The following C16orf74 variants were observed in gnomAD, a reference collection of about 807,000 sequenced individuals.
C16orf74 encodes the protein uncharacterized protein C16orf74.
A neutral mutation model predicts 6.5 loss-of-function variants in C16orf74; 10 were observed. The observed-to-expected ratio is 1.54, with a 90% CI of 0.95 to 2.61. The LOEUF (loss-of-function observed/expected upper bound fraction) is 2.61, where lower values mean the gene tolerates loss of function less well. Among genes scored for constraint, C16orf74 ranks in the 30% most tolerant of loss-of-function variants. C16orf74 has a pLI of 0.00. For missense variants in C16orf74, 141 were observed against 105.9 expected (o/e 1.33, Z -1.45); for synonymous variants, 60 against 42.5 (o/e 1.41, Z -1.60).
chr16:85,727,620 C>T (rs922504042), intron 2 of C16orf74, among the ~76,000 whole-genome samples: 3 of 150,190 alleles, frequency 2.0e-5, no homozygotes, highest in African/African-American at 4.9e-5. Flanking sequence ...GACCAACCTG[C>T]GCAACATGGT....
intron 1 of C16orf74, among the ~76,000 whole-genome samples, chr16:85,740,313 G>C (rs2054290557): frequency 6.6e-6 from 1 of 151,120 alleles, no homozygotes; most frequent in South Asian, 2.1e-4. Flanking sequence ...CTAGCACTTT[G>C]GGAGGCTGAG....
chr16:85,745,180 C>T (rs1427478834), intron 1 of C16orf74, among the ~76,000 whole-genome samples: 3 of 146,550 alleles, frequency 2.0e-5, no homozygotes, highest in Non-Finnish European at 4.4e-5. Context: ...CTCCCTGTCG[C>T]CAAATGGTCA....
In C16orf74 at chr16:85,739,795, T is replaced by A. The variant is rs374181384; in HGVS notation, c.-18-4560A>T. Reference sequence around the variant, plus strand: ...ACCTGGGAGACAGAGCAAGACCCTGTCTCAAAAAAAGAAAAGAAGTAATAA... The same window carrying A: ...ACCTGGGAGACAGAGCAAGACCCTGACTCAAAAAAAGAAAAGAAGTAATAA... On this transcript the variant is annotated intron_variant, in intron 1 of 3. Transcript: ENST00000284245. Among the ~76,000 whole-genome samples, 11 of 152,034 alleles carry A rather than the reference T, an allele frequency of 7.2e-5. No individual in the cohort carries two copies. In the South Asian group the frequency reaches 1.9e-3, roughly 26 times the overall value.
chr16:85,749,923 C>T (rs2054417920), intron 1 of C16orf74, among the ~76,000 whole-genome samples: 1 of 152,220 alleles, frequency 6.6e-6, no homozygotes, highest in Non-Finnish European at 1.5e-5. Flanking sequence ...TCCTCCCATC[C>T]ACAGGACCGG....
At chr16:85,747,155 C>T (rs949695776) in intron 1 of C16orf74, among the ~76,000 whole-genome samples, 10 of 152,148 alleles carry the variant, frequency 6.6e-5, no homozygotes, top group South Asian at 4.1e-4. Flanking sequence ...TCTGGGCCAC[C>T]GTGAAATAAT....
At chr16:85,743,465 G>C (rs2054332730) in intron 1 of C16orf74, 1 of 152,156 alleles carries the variant, frequency 6.6e-6, no homozygotes, top group South Asian at 2.1e-4. Context: ...CAGCTGTCCA[G>C]CGACTCCCAG....
intron 1 of C16orf74, among the ~76,000 whole-genome samples, chr16:85,739,123 C>G (rs1240552004): frequency 6.6e-6 from 1 of 151,156 alleles, no homozygotes; most frequent in African/African-American, 2.4e-5. Flanking sequence ...TCTCCTGCCG[C>G]CAGCCTTGCC....
intron 1 of C16orf74, among the ~76,000 whole-genome samples, chr16:85,749,034 C>A (rs1341527182): frequency 6.6e-6 from 1 of 151,358 alleles, no homozygotes; most frequent in Non-Finnish European, 1.5e-5. Context: ...TCGTGCCTCA[C>A]CCTCCCAAAG....
intron 2 of C16orf74, among the ~76,000 whole-genome samples, chr16:85,714,640 G>A (rs557655020): frequency 1.4e-4 from 21 of 151,032 alleles, no homozygotes; most frequent in African/African-American, 4.1e-4. Flanking sequence ...GGCTGGTCTC[G>A]AACTCCTGAC....
intron 2 of C16orf74, among the ~76,000 whole-genome samples, chr16:85,712,623 C>T (rs1340685413): frequency 6.6e-6 from 1 of 152,168 alleles, no homozygotes; most frequent in Admixed American, 6.5e-5. Context: ...ATTCTTGGTT[C>T]ACCTGCAGCT....
chr16:85,716,370 G>C (rs1238274778), intron 2 of C16orf74, among the ~76,000 whole-genome samples: 1 of 143,380 alleles, frequency 7.0e-6, no homozygotes, highest in Admixed American at 6.9e-5. Context: ...GGAAGGGAGG[G>C]AAGGAGGAGA....
intron 2 of C16orf74, among the ~76,000 whole-genome samples, chr16:85,731,389 C>G (rs998473540): frequency 1.3e-5 from 2 of 152,226 alleles, no homozygotes; most frequent in Non-Finnish European, 2.9e-5. Context: ...CGTTAAGGGG[C>G]AGAGCTGGGA....
In C16orf74 at chr16:85,717,166, T is replaced by C. The variant is rs573698349; in HGVS notation, c.29-6859A>G. Among the ~76,000 whole-genome samples, 73 of 152,312 alleles carry C rather than the reference T, an allele frequency of 4.8e-4. 1 individual carries two copies. In the East Asian group the frequency reaches 0.012, roughly 25 times the overall value. ...GACCAGACCACAGAACCCAGGCCCC[T>C]GGAGCTGGATTTCCACATGGGTTAC... On this transcript the variant is annotated intron_variant, in intron 2 of 3. Transcript: ENST00000284245.
At position 85,713,295 on chromosome 16, in the gene C16orf74, C is replaced by T. The variant is rs574906634; in HGVS notation, c.29-2988G>A. Among the ~76,000 whole-genome samples, 49 of 151,900 alleles carry T rather than the reference C, an allele frequency of 3.2e-4. 1 individual carries two copies. The highest frequency in any genetic ancestry group is 2.0e-3 in the Admixed American group (30 of 15,260). ...ACTCCCCCCTGCTTTTTTTTTGAGA[C>T]GGATCTCACTCTGTCACCCAGGCTG... is the stretch of plus-strand genomic sequence containing the variant. On this transcript the variant is annotated intron_variant, in intron 2 of 3. Coordinates refer to ENST00000284245, the MANE Select transcript of C16orf74 (RefSeq NM_206967.3).
intron 1 of C16orf74, among the ~76,000 whole-genome samples, chr16:85,736,967 C>T (rs2054251925): frequency 6.6e-6 from 1 of 152,034 alleles, no homozygotes; most frequent in Admixed American, 6.6e-5. Context: ...TCACTTGAAC[C>T]CGTAGGTGGA....
At chr16:85,719,822 G>C (rs991900590) in intron 2 of C16orf74, among the ~76,000 whole-genome samples, 25 of 150,258 alleles carry the variant, frequency 1.7e-4, no homozygotes, top group Non-Finnish European at 3.0e-5. Flanking sequence ...AAGGCCCTGA[G>C]GCAGGAACAT....
chr16:85,721,325 G>A (rs1193158076), intron 2 of C16orf74, among the ~76,000 whole-genome samples: 2 of 151,332 alleles, frequency 1.3e-5, no homozygotes, highest in East Asian at 1.9e-4. Flanking sequence ...CATTCTCTGC[G>A]GTGGGGCTGT....
At chr16:85,731,429 G>C (rs563064027) in intron 2 of C16orf74, among the ~76,000 whole-genome samples, 4 of 152,250 alleles carry the variant, frequency 2.6e-5, no homozygotes, top group Non-Finnish European at 2.9e-5. Flanking sequence ...GGAGCTGGGG[G>C]CATGGTACAG....
chr16:85,732,227 G>A (rs1252640789), intron 2 of C16orf74, among the ~76,000 whole-genome samples: 2 of 152,210 alleles, frequency 1.3e-5, no homozygotes, highest in Non-Finnish European at 2.9e-5. Flanking sequence ...CTCACACCTG[G>A]ATGTCACACC....
Sources: allele counts gnomAD v4.1 joint callset (sites outside exome capture counted in the v4.1 genomes callset), GRCh38; gene constraint gnomAD v4.1.1; transcripts MANE v1.5; gene names NCBI Gene and HGNC (gene_info 2026-07-23, HGNC 2026-07-21).